Variants in STN1 observed in about 807,000 individuals in gnomAD.
STN1 encodes the protein CST complex subunit STN1.
Under a neutral mutation model 45.5 loss-of-function variants are expected in STN1, and 29 were observed. The ratio of observed to expected loss-of-function variants is 0.64; its 90% CI spans 0.47 to 0.87. The LOEUF (loss-of-function observed/expected upper bound fraction) is 0.87. Ranked by LOEUF, STN1 falls within the 40% of genes least tolerant of loss-of-function variation. The pLI is 0.00. For missense variants in STN1, 376 were observed against 441.4 expected (o/e 0.85, Z 1.33); for synonymous variants, 148 against 159.0 (o/e 0.93, Z 0.52).
intron 2 of STN1, among the ~76,000 whole-genome samples, chr10:103,916,800 A>G (rs372114618): frequency 3.3e-4 from 50 of 152,000 alleles, no homozygotes; most frequent in Admixed American, 8.5e-4. Flanking sequence ...TACAAAAAAA[A>G]AAAAAGAAAA....
At chr10:103,891,024 C>T (rs10883941) in intron 8 of STN1, among the ~76,000 whole-genome samples, 67,609 of 152,046 alleles carry the variant, frequency 0.44, 15,738 homozygotes, top group Non-Finnish European at 0.5. Flanking sequence ...CAAGCACCTA[C>T]ACTTCTGCTG....
At chr10:103,917,721 C>A (rs921128815) in intron 1 of STN1, 65 bp from the exon 2 acceptor site, 2 of 1,091,360 alleles carry the variant, frequency 1.8e-6, no homozygotes, top group Non-Finnish European at 2.6e-6. Context: ...ACGGCCCTGA[C>A]GCTGCTCCCA....
chr10:103,910,650 A>G (rs1413588074), intron 2 of STN1, 28 bp from the exon 3 acceptor site: 7 of 1,266,914 alleles, frequency 5.5e-6, no homozygotes, highest in Non-Finnish European at 8.0e-6. Context: ...CAAAGTCGAC[A>G]TAATGTATGA....
rs894524255 is a variant in STN1 at position 103,880,534 on chromosome 10, G to A, written c.*2150C>T. 1.4e-5 allele frequency among the ~76,000 whole-genome samples: 2 copies of A among 146,686 alleles called. No homozygotes were observed. Among genetic ancestry groups the A allele is most frequent in the African/African-American group, 5.5e-5 (2 of 36,210 alleles). ...ATGTCACTATCAGGAGCAAGCCTGGGGTCAGGAGTAATTGGGAGCCTGGCT... is the reference window on the plus strand; with the variant it reads ...ATGTCACTATCAGGAGCAAGCCTGGAGTCAGGAGTAATTGGGAGCCTGGCT... On this transcript the variant is annotated 3_prime_UTR_variant, in exon 10 of 10. Transcript: ENST00000224950.
chr10:103,909,444 G>GTATATATGTATA (rs1564635048), intron 3 of STN1, among the ~76,000 whole-genome samples: 3 of 49,916 alleles, frequency 6.0e-5, no homozygotes, highest in Non-Finnish European at 1.4e-4. Context: ...GTATATATAT[G>GTATATATGTATA]TATATATGTA....
intron 3 of STN1, among the ~76,000 whole-genome samples, chr10:103,906,711 C>A (rs1000091453): frequency 4.0e-5 from 6 of 151,506 alleles, no homozygotes; most frequent in African/African-American, 1.5e-4. Context: ...AGAAAAAGAT[C>A]AACATCACAA....
chr10:103,912,965 G>A (rs529525921), intron 2 of STN1, among the ~76,000 whole-genome samples: 22 of 152,334 alleles, frequency 1.4e-4, no homozygotes, highest in African/African-American at 4.1e-4. Context: ...ACAGAGGGCC[G>A]GCTGTCTGCC....
chr10:103,882,790 C>A lies in STN1; in HGVS notation c.1001G>T (p.Ser334Ile). The A allele has an allele frequency of 6.2e-7, 1 of 1,614,172 alleles. No individual in the cohort carries two copies. Among genetic ancestry groups the A allele is most frequent in the Non-Finnish European group, 8.5e-7 (1 of 1,180,028 alleles). ...FLHILACARL[S>I]IRPGLSEAVL... is the part of the protein sequence containing the mutation. ...AGCCTCGCTCAGGCCCGGGCGGATG[C>A]TCAGGCGAGCACAGGCCAAGATGTG... Residue 334 changes from serine (S) to isoleucine (I), a missense_variant, in exon 10 of 10, where the codon AGC becomes ATC. Physicochemically the swap from Ser to Ile is moderately radical, Grantham distance 142. Transcript: ENST00000224950.
At chr10:103,899,646 C>T (rs888688241) in intron 5 of STN1, among the ~76,000 whole-genome samples, 46 of 151,976 alleles carry the variant, frequency 3.0e-4, no homozygotes, top group African/African-American at 1.1e-3. Context: ...GTGACTGTGC[C>T]ACTGCATTCC....
rs747038584 is a variant in STN1 at position 103,898,994 on chromosome 10, A to G, written c.464T>C (p.Val155Ala). 6.2e-7 allele frequency: 1 copy of G among 1,614,020 alleles called. No individual in the cohort carries two copies. The highest frequency in any genetic ancestry group is 1.1e-5 in the South Asian group (1 of 91,080). ...REIHATTYYKVDDPVWNIQIA... is the reference protein window; with the variant it reads ...REIHATTYYKADDPVWNIQIA... ...TTGAATGTTCCACACTGGGTCGTCC[A>G]CTTTATCTAACAAGTGACCAGAAAA... Residue 155 changes from valine to alanine, a missense_variant, in exon 6 of 10, where the codon GTG (valine) becomes GCG (alanine). Physicochemically the swap from Val to Ala is moderately conservative, Grantham distance 64. Transcript: ENST00000224950.
In STN1 at chr10:103,898,906, G is replaced by A. The variant is rs1843189041; in HGVS notation, c.552C>T (p.Ser184=). Residue 184 remains serine, a synonymous_variant, in exon 6 of 10, where the codon AGC becomes AGT. Transcript: ENST00000224950. ...YRKVYDQPFH[S]SALEKEEALS... is the part of the protein sequence containing the mutation. ...GTGCCTCTTCTTTCTCTAGGGCTGA[G>A]CTGTGAAAAGGCTGGTCATAAACTT... 6.2e-7 allele frequency: 1 copy of A among 1,613,884 alleles called. No homozygotes were observed. Among genetic ancestry groups the A allele is most frequent in the South Asian group, 1.1e-5 (1 of 91,082 alleles).
At chr10:103,909,161 T>A (rs1406511494) in intron 3 of STN1, among the ~76,000 whole-genome samples, 1 of 151,562 alleles carries the variant, frequency 6.6e-6, no homozygotes, top group Non-Finnish European at 1.5e-5. Context: ...ACGCTATTAT[T>A]TCGTTGTTGG....
chr10:103,887,236 G>A (rs1843109816), intron 9 of STN1, among the ~76,000 whole-genome samples: 1 of 152,174 alleles, frequency 6.6e-6, no homozygotes, highest in Non-Finnish European at 1.5e-5. Context: ...CCTCTAGAAG[G>A]CAATGTTAGA....
chr10:103,917,638 G>T lies in STN1; in HGVS notation c.-44C>A, dbSNP rs529998651. The T allele has an allele frequency of 6.2e-7, 1 of 1,600,252 alleles. No individual in the cohort carries two copies. The highest frequency in any genetic ancestry group is 1.7e-5 in the Admixed American group (1 of 57,690). ...CTTCCAGCTAACTCTGAAAGGTTCT[G>T]CATCACTGAGTCAAGCATCTAGATG... On this transcript the variant is annotated 5_prime_UTR_variant, in exon 2 of 10. Coordinates refer to ENST00000224950, the MANE Select transcript of STN1 (RefSeq NM_024928.5).
At position 103,908,143 on chromosome 10, in the gene STN1, AAT is replaced by A. The variant is rs1476184167; in HGVS notation, c.229+2382_229+2383del. Among the ~76,000 whole-genome samples the A allele has an allele frequency of 3.5e-5, 5 of 142,536 alleles. No homozygotes were observed. In the Admixed American group the frequency reaches 3.6e-4, roughly 10 times the overall value. 93.5% of individuals were successfully genotyped at this position (142,536 alleles called of 152,430 possible). A position where few individuals can be genotyped will look rare whatever the true frequency, so the allele number is the denominator to read the frequency against. On this transcript the variant is annotated intron_variant, in intron 3 of 9. Transcript: ENST00000224950. ...GACTCCATCTCAAAAAAAAAAAAAA[AAT>A]TAGCACATGAACATTTGTCCTAGAG...
intron 4 of STN1, among the ~76,000 whole-genome samples, chr10:103,903,406 T>C (rs533575147): frequency 1.7e-4 from 26 of 152,348 alleles, no homozygotes; most frequent in African/African-American, 5.3e-4. Flanking sequence ...CAAGTTTCAA[T>C]GTTTTTGTCC....
intron 4 of STN1, among the ~76,000 whole-genome samples, chr10:103,901,333 C>T (rs1344145810): frequency 6.6e-6 from 1 of 152,224 alleles, no homozygotes; most frequent in South Asian, 2.1e-4. Context: ...GCAATCCTCC[C>T]ACCTCAGTCT....
At chr10:103,896,953 G>A (rs1843174946) in intron 7 of STN1, among the ~76,000 whole-genome samples, 1 of 152,162 alleles carries the variant, frequency 6.6e-6, no homozygotes, top group African/African-American at 2.4e-5. Context: ...CTCAGCAGAA[G>A]CCAAGTGACA....
intron 7 of STN1, among the ~76,000 whole-genome samples, chr10:103,892,892 G>A (rs1230660891): frequency 6.6e-6 from 1 of 152,112 alleles, no homozygotes; most frequent in Non-Finnish European, 1.5e-5. Flanking sequence ...TTTGCCTGGG[G>A]AGGGTCATCC....
Sources: allele counts gnomAD v4.1 joint callset (sites outside exome capture counted in the v4.1 genomes callset), GRCh38; gene constraint gnomAD v4.1.1; transcripts MANE v1.5; gene names NCBI Gene and HGNC (gene_info 2026-07-23, HGNC 2026-07-21).